ATP7A: variants seen among roughly 807,000 people sequenced by gnomAD.
ATP7A encodes copper-transporting ATPase 1.
In ATP7A, 7 loss-of-function variants were observed where a neutral mutation model predicts 83.5. That is an observed-to-expected ratio of 0.08 (90% CI 0.05 to 0.16). The LOEUF (loss-of-function observed/expected upper bound fraction) is 0.16, where lower values mean the gene tolerates loss of function less well. ATP7A is among the 10% of genes least tolerant of loss of function. The pLI is 1.00. For synonymous variants in ATP7A, 354 were observed against 395.2 expected (o/e 0.90, Z 1.24); for missense variants, 940 against 1,120.8 (o/e 0.84, Z 2.30).
chrX:77,940,063 AAC>A (rs1305109444), intron 1 of ATP7A, among the ~76,000 whole-genome samples: 1 of 110,705 alleles, frequency 9.0e-6, no homozygotes, highest in East Asian at 2.8e-4. Flanking sequence ...AATATTTGAA[AAC>A]ACACAGAGAA....
chrX:77,931,391 GAA>G (rs782510481), intron 1 of ATP7A, among the ~76,000 whole-genome samples: 125 of 111,793 alleles, frequency 1.1e-3, no homozygotes, highest in African/African-American at 4.0e-3. Context: ...GGAACAAAAT[GAA>G]AAGTCTCCCA....
intron 1 of ATP7A, among the ~76,000 whole-genome samples, chrX:77,942,538 G>A (rs1013309474): frequency 1.7e-4 from 18 of 107,963 alleles, no homozygotes; most frequent in Non-Finnish European, 2.5e-4. Context: ...AGCCTTGACC[G>A]GGTCCCAAGT....
At chrX:77,973,636 GT>G (rs1439338851) in intron 2 of ATP7A, among the ~76,000 whole-genome samples, 6 of 111,872 alleles carry the variant, frequency 5.4e-5, no homozygotes, top group Non-Finnish European at 9.4e-5. Flanking sequence ...TTTTAGTTGG[GT>G]TTTTTGTTTT....
At position 78,049,316 on chromosome X, in the gene ATP7A, AC is replaced by A. The variant is rs1228888384; in HGVS notation, c.*2747del. 3.6e-5 allele frequency: 4 copies of A among 112,412 alleles called. No homozygotes were observed. The highest frequency in any genetic ancestry group is 1.3e-4 in the African/African-American group (4 of 30,917). The allele number at this position is 112,412 out of a possible 1,213,427, so 9.3% of individuals were successfully genotyped here. On this transcript the variant is annotated 3_prime_UTR_variant, in exon 23 of 23. Transcript: ENST00000341514. ...CATACACATACATACATATTACCATACTGAAGGGAAATGGATTTATATTTGA... is the reference window on the plus strand; with the variant it reads ...CATACACATACATACATATTACCATATGAAGGGAAATGGATTTATATTTGA...
At chrX:77,912,133 G>C (rs2077163945) in intron 1 of ATP7A, among the ~76,000 whole-genome samples, 1 of 111,340 alleles carries the variant, frequency 9.0e-6, no homozygotes, top group South Asian at 3.7e-4. Flanking sequence ...GGTGTCTAAG[G>C]TCATGACATG....
Position 77,919,994 on chromosome X carries a change from A to G in ATP7A, c.-22+9159A>G, listed in dbSNP as rs782782926. Among the ~76,000 whole-genome samples, 16 of 111,456 alleles carry G rather than the reference A, an allele frequency of 1.4e-4. No individual in the cohort carries two copies. The East Asian group carries it at 4.5e-3, about 31-fold the overall frequency. On this transcript the variant is annotated intron_variant, in intron 1 of 22. Transcript: ENST00000341514. ...CTGTCTCTATGAATTTACCTATTCT[A>G]GGTACTTTTTGAAAAATAATTTCAA... is the stretch of plus-strand genomic sequence containing the variant.
intron 1 of ATP7A, among the ~76,000 whole-genome samples, chrX:77,948,207 A>G (rs1392763000): frequency 1.8e-5 from 2 of 108,394 alleles, no homozygotes; most frequent in Non-Finnish European, 3.8e-5. Flanking sequence ...ACTCACTGCA[A>G]GCTCCACCTC....
In ATP7A at chrX:78,047,140, G is replaced by C. The variant is rs560014715; in HGVS notation, c.*570G>C. ...TTTCCCCCATTCTCCCTGCATCCTT[G>C]TCCTTGCAGGTGCTTTTTTAGATGC... On this transcript the variant is annotated 3_prime_UTR_variant, in exon 23 of 23. Transcript: ENST00000341514. 8.9e-6 allele frequency: 1 copy of C among 112,064 alleles called. No individual in the cohort carries two copies. The highest frequency in any genetic ancestry group is 3.3e-5 in the African/African-American group (1 of 30,743). The allele number at this position is 112,064 out of a possible 1,213,427, so 9.2% of individuals were successfully genotyped here.
intron 1 of ATP7A, among the ~76,000 whole-genome samples, chrX:77,945,369 G>A (rs2077372939): frequency 1.8e-5 from 2 of 109,733 alleles, no homozygotes; most frequent in African/African-American, 3.3e-5. Context: ...TTGTAGAGGC[G>A]GTGTTTCGCC....
At chrX:77,932,788 G>T (rs183739297) in intron 1 of ATP7A, among the ~76,000 whole-genome samples, 1 of 112,474 alleles carries the variant, frequency 8.9e-6, no homozygotes, top group African/African-American at 3.2e-5. Context: ...GCCTGCAATC[G>T]CAGGCACTCG....
intron 2 of ATP7A, among the ~76,000 whole-genome samples, chrX:77,977,100 C>A (rs2077580648): frequency 8.9e-6 from 1 of 112,071 alleles, no homozygotes; most frequent in Non-Finnish European, 1.9e-5. Context: ...CTAATCATAT[C>A]TATGCAAAAG....
chrX:77,920,497 G>A (rs782224676), intron 1 of ATP7A, among the ~76,000 whole-genome samples: 6 of 111,230 alleles, frequency 5.4e-5, no homozygotes, highest in South Asian at 3.8e-4. Flanking sequence ...GATTACAGGC[G>A]TGAGCCACCG....
In ATP7A at chrX:78,029,427, T is replaced by C. The variant is rs369055537; in HGVS notation, c.3094T>C (p.Leu1032=). 88 of 1,208,395 alleles carry C rather than the reference T, an allele frequency of 7.3e-5. No individual in the cohort carries two copies. Among genetic ancestry groups the C allele is most frequent in the Non-Finnish European group, 8.8e-5 (79 of 894,421 alleles). The part of the protein sequence containing the change: ...NGILIKGGEP[L]EMAHKVKVVV... ...CATACTAATAAAAGGTGGAGAGCCATTGGAGATGGCTCATAAGGTAAGACA... is the reference window on the plus strand; with the variant it reads ...CATACTAATAAAAGGTGGAGAGCCACTGGAGATGGCTCATAAGGTAAGACA... Residue 1032 remains leucine (L), a synonymous_variant, in exon 15 of 23, where the codon TTG becomes CTG. Transcript: ENST00000341514.
At chrX:77,984,332 CTT>C (rs1183178308) in intron 2 of ATP7A, among the ~76,000 whole-genome samples, 2 of 102,747 alleles carry the variant, frequency 1.9e-5, no homozygotes, top group African/African-American at 3.5e-5. Flanking sequence ...ACATAAGTAC[CTT>C]TTTTTTTTTT....
intron 1 of ATP7A, among the ~76,000 whole-genome samples, chrX:77,930,016 G>T (rs1421330181): frequency 5.4e-5 from 6 of 111,707 alleles, no homozygotes. Flanking sequence ...AATCAGCAGA[G>T]GGATGAATTT....
At chrX:77,979,438 A>G (rs1479869289) in intron 2 of ATP7A, among the ~76,000 whole-genome samples, 1 of 112,229 alleles carries the variant, frequency 8.9e-6, no homozygotes, top group Non-Finnish European at 1.9e-5. Flanking sequence ...GGGTGACAGA[A>G]TAATCTGTAC....
intron 9 of ATP7A, 149 bp from the exon 10 acceptor site, chrX:78,012,730 A>G: frequency 3.9e-6 from 2 of 515,634 alleles, no homozygotes; most frequent in Non-Finnish European, 3.3e-6. Flanking sequence ...TTGAAATACA[A>G]ACACGATTGT....
intron 2 of ATP7A, among the ~76,000 whole-genome samples, chrX:77,985,541 A>T (rs1166609751): frequency 6.3e-5 from 7 of 111,440 alleles, no homozygotes; most frequent in Non-Finnish European, 1.3e-4. Context: ...GATGATGGAA[A>T]TACTGTGTAT....
At chrX:77,993,815 T>A (rs1386764560) in intron 4 of ATP7A, among the ~76,000 whole-genome samples, 2 of 111,620 alleles carry the variant, frequency 1.8e-5, no homozygotes, top group Non-Finnish European at 3.8e-5. Flanking sequence ...GTTCACACAA[T>A]GATGAAATTG....
Sources: gnomAD v4.1 joint callset for allele counts (sites outside exome capture counted in the v4.1 genomes callset) on GRCh38, gnomAD v4.1.1 for gene constraint, MANE v1.5 for transcripts, NCBI Gene and HGNC (gene_info 2026-07-23, HGNC 2026-07-21) for gene names.